TENM3: variants seen among roughly 807,000 people sequenced by gnomAD.
TENM3 encodes teneurin transmembrane protein 3.
TENM3 carries 63 observed loss-of-function variants against 255.1 expected under a neutral mutation model. The ratio of observed to expected loss-of-function variants is 0.25; its 90% CI spans 0.20 to 0.30. The LOEUF (loss-of-function observed/expected upper bound fraction) is 0.30, where lower values mean the gene tolerates loss of function less well. TENM3 is among the 10% of genes least tolerant of loss of function. The probability of loss-of-function intolerance (pLI) is 1.00; values close to 1 mark genes in which losing one functional copy is unlikely to be tolerated. For synonymous variants in TENM3, 1,306 were observed against 1,322.3 expected (o/e 0.99, Z 0.27); for missense variants, 2,929 against 3,461.1 (o/e 0.85, Z 3.86).
chr4:182,495,219 G>C (rs193049594), intron 3 of TENM3, among the ~76,000 whole-genome samples: 2 of 152,304 alleles, frequency 1.3e-5, no homozygotes, highest in Admixed American at 6.5e-5. Flanking sequence ...CGAATATTCA[G>C]AGAGCCGTGA....
intron 1 of TENM3, among the ~76,000 whole-genome samples, chr4:182,312,031 G>A (rs1762478693): frequency 6.6e-6 from 1 of 152,162 alleles, no homozygotes; most frequent in East Asian, 1.9e-4. Flanking sequence ...ACCATATGGG[G>A]GTGTGAGCCC....
the TENM3 span, among the ~76,000 whole-genome samples, chr4:181,746,825 A>T: frequency 6.6e-6 from 1 of 150,912 alleles, no homozygotes; most frequent in Non-Finnish European, 1.5e-5. Context: ...TTTACTTTTG[A>T]TGTATATTAT....
At chr4:182,162,599 G>A (rs1751429291) in intron 1 of TENM3, among the ~76,000 whole-genome samples, 1 of 152,168 alleles carries the variant, frequency 6.6e-6, no homozygotes, top group South Asian at 2.1e-4. Flanking sequence ...AGACACCTGA[G>A]ACTAGACAGT....
At chr4:182,639,763 TCTGACA>T (rs1260493233) in intron 5 of TENM3, among the ~76,000 whole-genome samples, 1 of 152,234 alleles carries the variant, frequency 6.6e-6, no homozygotes, top group East Asian at 1.9e-4. Context: ...GTTAGCCATC[TCTGACA>T]CTTGCCTTTA....
At chr4:181,690,093 G>A in the TENM3 span, among the ~76,000 whole-genome samples, 1 of 152,170 alleles carries the variant, frequency 6.6e-6, no homozygotes, top group Non-Finnish European at 1.5e-5. Context: ...ACAGAGTCTA[G>A]TTGATGGGGC....
chr4:181,972,407 C>A, the TENM3 span, among the ~76,000 whole-genome samples: 4 of 148,146 alleles, frequency 2.7e-5, no homozygotes, highest in Admixed American at 2.7e-4. Flanking sequence ...TGCACTCCAA[C>A]CCGGATGACA....
intron 2 of TENM3, among the ~76,000 whole-genome samples, chr4:182,345,934 A>G (rs1290471874): frequency 6.6e-6 from 1 of 152,192 alleles, no homozygotes; most frequent in Non-Finnish European, 1.5e-5. Context: ...ACTCTGATCA[A>G]TACAGATGTT....
chr4:182,294,107 G>A (rs913498705), intron 1 of TENM3, among the ~76,000 whole-genome samples: 4 of 151,872 alleles, frequency 2.6e-5, no homozygotes, highest in South Asian at 2.1e-4. Context: ...TACCATCTGC[G>A]TCTCTGCCTT....
At chr4:181,612,787 T>A in the TENM3 span, among the ~76,000 whole-genome samples, 589 of 152,320 alleles carry the variant, frequency 3.9e-3, 5 homozygotes, top group South Asian at 7.9e-3. Flanking sequence ...ATTACTTCAG[T>A]TGAGGCCTAG....
the TENM3 span, among the ~76,000 whole-genome samples, chr4:181,606,651 T>C: frequency 6.6e-6 from 1 of 152,108 alleles, no homozygotes; most frequent in African/African-American, 2.4e-5. Context: ...GCTCTTGTTG[T>C]TCTTTCTGTA....
At chr4:182,312,546 T>C (rs1222651280) in intron 1 of TENM3, among the ~76,000 whole-genome samples, 1 of 152,202 alleles carries the variant, frequency 6.6e-6, no homozygotes, top group Non-Finnish European at 1.5e-5. Flanking sequence ...CTAGTGTGTT[T>C]GAGGCCATTC....
chr4:182,005,441 T>C, the TENM3 span, among the ~76,000 whole-genome samples: 1 of 152,222 alleles, frequency 6.6e-6, no homozygotes, highest in South Asian at 2.1e-4. Flanking sequence ...TCTGTTTTGG[T>C]ACCAGTACCA....
intron 1 of TENM3, among the ~76,000 whole-genome samples, chr4:182,216,291 T>G (rs951257342): frequency 3.3e-5 from 5 of 152,222 alleles, no homozygotes; most frequent in African/African-American, 9.6e-5. Context: ...ACTGCACATG[T>G]GTGAAAGATA....
the TENM3 span, among the ~76,000 whole-genome samples, chr4:181,988,068 A>G: frequency 1.3e-5 from 2 of 152,050 alleles, no homozygotes; most frequent in Non-Finnish European, 2.9e-5. Flanking sequence ...CTCCCAGCCC[A>G]ATTTCCAAAA....
At chr4:181,988,525 A>T in the TENM3 span, among the ~76,000 whole-genome samples, 1 of 152,026 alleles carries the variant, frequency 6.6e-6, no homozygotes. Context: ...CTTGTGGAAG[A>T]TGATGATGAT....
the TENM3 span, among the ~76,000 whole-genome samples, chr4:181,754,881 T>A: frequency 6.6e-6 from 1 of 152,070 alleles, no homozygotes; most frequent in Admixed American, 6.6e-5. Context: ...AATACGAAAA[T>A]GTTATTGTAC....
At chr4:181,480,396 A>G in the TENM3 span, among the ~76,000 whole-genome samples, 1 of 152,150 alleles carries the variant, frequency 6.6e-6, no homozygotes, top group East Asian at 1.9e-4. Flanking sequence ...AAAATCAACC[A>G]TTAAATTGAA....
chr4:181,605,507 AAAG>A, the TENM3 span, among the ~76,000 whole-genome samples: 1 of 17,590 alleles, frequency 5.7e-5, no homozygotes, highest in Non-Finnish European at 1.4e-4. Context: ...AGAAAGAAAG[AAAG>A]AAAGAAAGAA....
the TENM3 span, among the ~76,000 whole-genome samples, chr4:181,846,721 T>A: frequency 3.3e-5 from 5 of 152,178 alleles, no homozygotes; most frequent in Admixed American, 6.5e-5. Flanking sequence ...AATTGACCAC[T>A]GTGTGTTAGA....
Sources: gnomAD v4.1 joint callset for allele counts (sites outside exome capture counted in the v4.1 genomes callset) on GRCh38, gnomAD v4.1.1 for gene constraint, MANE v1.5 for transcripts, NCBI Gene and HGNC (gene_info 2026-07-23, HGNC 2026-07-21) for gene names.